The following KCNT1 variants were observed in gnomAD, a reference collection of about 807,000 sequenced individuals.
The protein encoded by KCNT1 is potassium channel subfamily T member 1.
Under a neutral mutation model 147.8 loss-of-function variants are expected in KCNT1, and 78 were observed. The ratio of observed to expected loss-of-function variants is 0.53; its 90% CI spans 0.44 to 0.64. The LOEUF is 0.64. Ranked by LOEUF, KCNT1 falls within the 30% of genes least tolerant of loss-of-function variation. The pLI, the probability that KCNT1 is intolerant of heterozygous loss-of-function variation, is 0.00. For synonymous variants in KCNT1, 867 were observed against 748.8 expected (o/e 1.16, Z -2.58); for missense variants, 1,419 against 1,750.3 (o/e 0.81, Z 3.38).
intron 1 of KCNT1, among the ~76,000 whole-genome samples, chr9:135,704,084 A>G (rs1835149135): frequency 1.3e-5 from 2 of 152,224 alleles, no homozygotes; most frequent in African/African-American, 4.8e-5. Flanking sequence ...AGGTGGCTTC[A>G]GCTGCAGAAA....
At chr9:135,788,089 G>A (rs760505820) in intron 29 of KCNT1, 1 of 1,596,562 alleles carries the variant, frequency 6.3e-7, no homozygotes, top group Non-Finnish European at 8.6e-7. Flanking sequence ...CTCTTTCTGT[G>A]TGTTCTGTAG....
At chr9:135,786,085 C>A in intron 28 of KCNT1, 112 bp from the exon 29 acceptor site, 2 of 940,654 alleles carry the variant, frequency 2.1e-6, no homozygotes, top group Non-Finnish European at 3.2e-6. Flanking sequence ...GCTGCTCCCA[C>A]GCAGGCCCCA....
At chr9:135,780,361 A>G (rs1227036464) in intron 24 of KCNT1, among the ~76,000 whole-genome samples, 1 of 152,092 alleles carries the variant, frequency 6.6e-6, no homozygotes, top group Non-Finnish European at 1.5e-5. Flanking sequence ...ACCGTGGAGG[A>G]TCTACTGAGC....
rs115404035 is a variant in KCNT1, at chr9:135,706,516, C to T, written c.110+4148C>T. Among the ~76,000 whole-genome samples the T allele has an allele frequency of 7.3e-3, 1,116 of 152,290 alleles. 19 individuals carry two copies. Among genetic ancestry groups the T allele is most frequent in the African/African-American group, 0.025 (1,055 of 41,558 alleles). On this transcript the variant is annotated intron_variant, in intron 1 of 30. Coordinates refer to ENST00000371757, the MANE Select transcript of KCNT1 (RefSeq NM_020822.3). ...GTCGCCCTGGGGCACCTGTGTCCTG[C>T]CAGGCACCACTCAGGCCTCGGAGGC...
At position 135,792,166 on chromosome 9, in the gene KCNT1, G is replaced by A. The variant is rs1834591133; in HGVS notation, c.*5G>A. On this transcript the variant is annotated 3_prime_UTR_variant, in exon 31 of 31. Coordinates refer to ENST00000371757, the MANE Select transcript of KCNT1 (RefSeq NM_020822.3). The stretch of plus-strand genomic sequence containing the variant: ...CGCGACGAGACACAGCTCTGAGCCA[G>A]CCCTGCACGGAGCTCAGGCCACCAA... The A allele has an allele frequency of 1.2e-6, 2 of 1,603,812 alleles. No homozygotes were observed. The highest frequency in any genetic ancestry group is 1.3e-5 in the African/African-American group (1 of 74,970).
chr9:135,753,853 G>A (rs550857801), intron 4 of KCNT1, 84 bp from the exon 5 acceptor site: 19 of 1,468,856 alleles, frequency 1.3e-5, no homozygotes, highest in African/African-American at 4.2e-5. Context: ...CCATGAACCC[G>A]AGCCTGTGGA....
chr9:135,792,297 C>T lies in KCNT1; in HGVS notation c.*136C>T, dbSNP rs539024718. Reference sequence around the variant, plus strand: ...ACTCACCATGGCTCCTGGGACTCCACCCTGGAAAGGAGCCCCTCATGCGGG... The same window carrying T: ...ACTCACCATGGCTCCTGGGACTCCATCCTGGAAAGGAGCCCCTCATGCGGG... On this transcript the variant is annotated 3_prime_UTR_variant, in exon 31 of 31. Transcript: ENST00000371757. The T allele has an allele frequency of 2.5e-5, 29 of 1,170,504 alleles. 1 individual carries two copies. The African/African-American group carries it at 3.6e-4, about 14-fold the overall frequency. The allele number at this position is 1,170,504 out of a possible 1,614,324, so 72.5% of individuals were successfully genotyped here. A position where few individuals can be genotyped will look rare whatever the true frequency, so the allele number is the denominator to read the frequency against.
intron 13 of KCNT1, among the ~76,000 whole-genome samples, chr9:135,768,240 CGGGG>C (rs751932639): frequency 0.2 from 982 of 5,020 alleles, 80 homozygotes; most frequent in Non-Finnish European, 0.23. Context: ...AGGATGCCTG[CGGGG>C]GGGGGGGGGG....
At chr9:135,712,547 T>C (rs1835544817) in intron 1 of KCNT1, among the ~76,000 whole-genome samples, 1 of 151,444 alleles carries the variant, frequency 6.6e-6, no homozygotes, top group South Asian at 2.1e-4. Flanking sequence ...CCCCCAACAC[T>C]CCCCTCTCCC....
intron 2 of KCNT1, among the ~76,000 whole-genome samples, chr9:135,747,626 G>A (rs1830906607): frequency 6.6e-6 from 1 of 152,178 alleles, no homozygotes; most frequent in Non-Finnish European, 1.5e-5. Context: ...CCCAGCCAGG[G>A]CTCCAGGCAC....
intron 29 of KCNT1, chr9:135,788,264 G>C: frequency 3.1e-6 from 3 of 965,360 alleles, no homozygotes; most frequent in Admixed American, 3.4e-5. Context: ...AGGTGGACAG[G>C]AGCTGTGAGA....
chr9:135,715,281 G>A (rs1217028476), intron 2 of KCNT1, among the ~76,000 whole-genome samples: 1 of 152,246 alleles, frequency 6.6e-6, no homozygotes, highest in East Asian at 1.9e-4. Context: ...AACAGGATGA[G>A]CCCATGGGAA....
chr9:135,718,031 A>G (rs1835786004), intron 2 of KCNT1, among the ~76,000 whole-genome samples: 2 of 152,222 alleles, frequency 1.3e-5, no homozygotes, highest in South Asian at 4.1e-4. Flanking sequence ...TGGGGACCCC[A>G]GCCCTGGCTC....
rs183455542 is a variant in KCNT1 at position 135,776,197 on chromosome 9, G to A, written c.2349+782G>A. Among the ~76,000 whole-genome samples the A allele has an allele frequency of 2.3e-3, 354 of 152,206 alleles. No homozygotes were observed. The Middle Eastern group carries it at 0.024, about 10-fold the overall frequency. ...TCTGTGGGGGACGTGTTGAGATCAG[G>A]AAAGCAAACCACTCGACCCAGCGGC... On this transcript the variant is annotated intron_variant, in intron 20 of 30. Transcript: ENST00000371757.
chr9:135,756,688 C>T (rs913817347), intron 6 of KCNT1, among the ~76,000 whole-genome samples, 185 bp from the exon 7 acceptor site: 11 of 152,150 alleles, frequency 7.2e-5, no homozygotes, highest in Admixed American at 1.3e-4. Context: ...CATCTGCCCT[C>T]GGCCCTGGCG....
At chr9:135,767,585 G>C (rs1832374157) in intron 13 of KCNT1, among the ~76,000 whole-genome samples, 1 of 151,610 alleles carries the variant, frequency 6.6e-6, no homozygotes, top group East Asian at 1.9e-4. Flanking sequence ...CCCCAACCCA[G>C]CCCTGGGTGA....
At chr9:135,717,442 G>T (rs147338254) in intron 2 of KCNT1, among the ~76,000 whole-genome samples, 1 of 152,138 alleles carries the variant, frequency 6.6e-6, no homozygotes, top group African/African-American at 2.4e-5. Context: ...GATCTGGAAG[G>T]TGGGGGGCTG....
At chr9:135,706,977 G>C (rs1467581648) in intron 1 of KCNT1, among the ~76,000 whole-genome samples, 1 of 151,800 alleles carries the variant, frequency 6.6e-6, no homozygotes, top group Non-Finnish European at 1.5e-5. Flanking sequence ...AGCCTCACTT[G>C]TGCCTCAGTT....
At position 135,768,820 on chromosome 9, in the gene KCNT1, C is replaced by A. The variant is rs745708848; in HGVS notation, c.1402-9C>A. ...CCCGTCTGCACTGACCAACCACCCA[C>A]CCCGCCAGGACCACCAGACCATCCT... On this transcript the variant is annotated splice_polypyrimidine_tract_variant and intron_variant, in intron 14 of 30. Transcript: ENST00000371757. The A allele has an allele frequency of 1.2e-6, 2 of 1,607,180 alleles. No individual in the cohort carries two copies. The highest frequency in any genetic ancestry group is 2.2e-5 in the South Asian group (2 of 90,274).
Sources: gnomAD v4.1 joint callset for allele counts (sites outside exome capture counted in the v4.1 genomes callset) on GRCh38, gnomAD v4.1.1 for gene constraint, MANE v1.5 for transcripts, NCBI Gene and HGNC (gene_info 2026-07-23, HGNC 2026-07-21) for gene names.